The following MED13 variants were observed in gnomAD, a reference collection of about 807,000 sequenced individuals.
The protein encoded by MED13 is mediator of RNA polymerase II transcription subunit 13.
Under a neutral mutation model 225.2 loss-of-function variants are expected in MED13, and 23 were observed. The ratio of observed to expected loss-of-function variants is 0.10; its 90% CI spans 0.07 to 0.14. The LOEUF is 0.14. MED13 is among the 10% of genes least tolerant of loss of function. The pLI is 1.00. For synonymous variants in MED13, 942 were observed against 889.2 expected (o/e 1.06, Z -1.06); for missense variants, 2,197 against 2,594.5 (o/e 0.85, Z 3.33).
chr17:62,046,611 T>C (rs1159037011), intron 3 of MED13, among the ~76,000 whole-genome samples: 1 of 152,128 alleles, frequency 6.6e-6, no homozygotes, highest in Non-Finnish European at 1.5e-5. Context: ...AGGCCAAAGA[T>C]GGTGGGTAGC....
In MED13 at chr17:61,983,065, T is replaced by C. The variant is rs2080218784; in HGVS notation, c.2938A>G (p.Thr980Ala). ...GGAGGCATCCCAAAAGAAGTATGAG[T>C]TTGAGGTGTATAAGCAGTGCCATAT... ...QEYGTAYTPQ[T>A]HTSFGMPPSS... The change falls in exon 16 of 30, where the codon ACT (threonine) becomes GCT (alanine). Residue 980 changes from threonine (T) to alanine (A), a missense_variant. Physicochemically the swap from Thr to Ala is moderately conservative, Grantham distance 58. This residue lies in a region of MED13 where 160 missense variants were observed against 184.8 expected (regional missense o/e 0.87). Coordinates refer to ENST00000397786, the MANE Select transcript of MED13 (RefSeq NM_005121.3). 5 of 1,613,494 alleles carry C rather than the reference T, an allele frequency of 3.1e-6. No homozygotes were observed. The highest frequency in any genetic ancestry group is 4.2e-6 in the Non-Finnish European group (5 of 1,179,742).
intron 15 of MED13, among the ~76,000 whole-genome samples, chr17:61,983,848 C>A (rs957757891): frequency 6.6e-6 from 1 of 151,738 alleles, no homozygotes; most frequent in African/African-American, 2.4e-5. Context: ...TGTGCCTCAG[C>A]CTCCCAAGTA....
intron 8 of MED13, among the ~76,000 whole-genome samples, chr17:62,014,801 T>C (rs900522300): frequency 6.6e-6 from 1 of 152,168 alleles, no homozygotes; most frequent in Non-Finnish European, 1.5e-5. Context: ...TGAACCACTG[T>C]ACCCAGCTGA....
intron 9 of MED13, chr17:62,006,652 GTGGC>G (rs2080451619): frequency 6.6e-6 from 1 of 152,288 alleles, no homozygotes; most frequent in Non-Finnish European, 1.5e-5. Flanking sequence ...GCCAGGTGTG[GTGGC>G]TCATGCCTGT....
At chr17:62,055,145 AGCACTTCAGGAG>A (rs2080986406) in intron 2 of MED13, among the ~76,000 whole-genome samples, 1 of 152,178 alleles carries the variant, frequency 6.6e-6, no homozygotes, top group Admixed American at 6.5e-5. Flanking sequence ...CTGTAATCCC[AGCACTTCAGGAG>A]GCCAAGGCAA....
intron 15 of MED13, 49 bp downstream of exon 15, chr17:61,984,122 T>A: frequency 7.8e-7 from 1 of 1,278,350 alleles, no homozygotes; most frequent in Non-Finnish European, 1.0e-6. Context: ...GAAAAAAAAA[T>A]TAAAGCTGTA....
intron 25 of MED13, 34 bp from the exon 26 acceptor site, chr17:61,955,601 C>A: frequency 6.5e-7 from 1 of 1,537,010 alleles, no homozygotes; most frequent in East Asian, 2.3e-5. Flanking sequence ...TTTTAATAAA[C>A]GAAGAATAAA....
chr17:62,021,982 C>A lies in MED13; in HGVS notation c.1283+7559G>T, dbSNP rs981938404. Among the ~76,000 whole-genome samples the A allele has an allele frequency of 3.6e-4, 55 of 152,104 alleles. 1 individual carries two copies. Among genetic ancestry groups the A allele is most frequent in the African/African-American group, 1.3e-3 (52 of 41,512 alleles). ...AGGAGTTTGAGACCAGCCTGACCAACATGGTAAAACCCCATCTCTACTAAA... is the reference window on the plus strand; with the variant it reads ...AGGAGTTTGAGACCAGCCTGACCAAAATGGTAAAACCCCATCTCTACTAAA... On this transcript the variant is annotated intron_variant, in intron 8 of 29. Transcript: ENST00000397786.
chr17:62,016,117 G>C (rs1294803739), intron 8 of MED13, among the ~76,000 whole-genome samples: 2 of 140,906 alleles, frequency 1.4e-5, no homozygotes, highest in African/African-American at 5.5e-5. Flanking sequence ...CTTTGTAAAA[G>C]AGCATTTTTT....
At chr17:62,038,450 T>C (rs1217474561) in intron 3 of MED13, among the ~76,000 whole-genome samples, 1 of 152,110 alleles carries the variant, frequency 6.6e-6, no homozygotes, top group African/African-American at 2.4e-5. Context: ...AAAATTATTT[T>C]AAAAACATTT....
intron 3 of MED13, among the ~76,000 whole-genome samples, chr17:62,052,047 C>T (rs2080961534): frequency 6.6e-6 from 1 of 152,066 alleles, no homozygotes; most frequent in African/African-American, 2.4e-5. Context: ...TATAAGCTCT[C>T]AAAGAGTAAA....
rs377624680 is a variant in MED13 at position 61,965,321 on chromosome 17, G to A, written c.4529C>T (p.Ala1510Val). 21 of 1,614,230 alleles carry A rather than the reference G, an allele frequency of 1.3e-5. No individual in the cohort carries two copies. In the African/African-American group the frequency reaches 1.3e-4, roughly 10 times the overall value. ...TGAAGTCACTGTCATAGTGCTGCTC[G>A]CTGCAGATGCTAAGGTGGCAGATGG... ...NTPSATLASA[A>V]SSTMTVTSGV... Residue 1510 changes from alanine (A) to valine (V), a missense_variant, in exon 20 of 30, where the codon GCG (alanine) becomes GTG (valine). By Grantham distance (64) the Ala-to-Val change is moderately conservative. Coordinates refer to ENST00000397786, the MANE Select transcript of MED13 (RefSeq NM_005121.3).
Position 62,031,627 on chromosome 17 carries a change from T to TTCG in MED13, c.823_825dup (p.Arg275dup), listed in dbSNP as rs748621495. On this transcript the variant is annotated inframe_insertion, in exon 6 of 30. Transcript: ENST00000397786. Reference sequence around the variant, plus strand: ...AGAACAAAGCATGCTGGGTAGATCATTCGGACACCAGCTGAAAGGAAAAAA... The same window carrying TTCG: ...AGAACAAAGCATGCTGGGTAGATCATTCGTCGGACACCAGCTGAAAGGAAAAAA... 6.4e-7 allele frequency: 1 copy of TTCG among 1,566,110 alleles called. No individual in the cohort carries two copies. Among genetic ancestry groups the TTCG allele is most frequent in the African/African-American group, 1.4e-5 (1 of 73,266 alleles).
chr17:62,012,327 CTTT>C (rs60421231), intron 8 of MED13, among the ~76,000 whole-genome samples: 28 of 129,604 alleles, frequency 2.2e-4, no homozygotes, highest in African/African-American at 5.7e-4. Flanking sequence ...CACTAAGAAA[CTTT>C]TTTTTTTTTT....
At chr17:61,998,263 C>A (rs962947598) in intron 9 of MED13, among the ~76,000 whole-genome samples, 2 of 152,134 alleles carry the variant, frequency 1.3e-5, no homozygotes, top group African/African-American at 4.8e-5. Flanking sequence ...TAACTACAGA[C>A]ACAGTTTCAA....
intron 23 of MED13, among the ~76,000 whole-genome samples, chr17:61,958,067 T>C (rs1454472206): frequency 6.6e-6 from 1 of 151,384 alleles, no homozygotes; most frequent in Non-Finnish European, 1.5e-5. Flanking sequence ...GGTTTCACTG[T>C]GTTAGCCAGG....
intron 5 of MED13, 64 bp from the exon 6 acceptor site, chr17:62,031,702 C>T (rs1346023236): frequency 9.4e-7 from 1 of 1,065,930 alleles, no homozygotes. Context: ...TAGTTTCACT[C>T]AAAAGTACTA....
intron 2 of MED13, among the ~76,000 whole-genome samples, chr17:62,060,680 T>G (rs1315580604): frequency 6.6e-6 from 1 of 151,082 alleles, no homozygotes; most frequent in African/African-American, 2.4e-5. Context: ...CAAAATTATT[T>G]TCATTCACGT....
intron 2 of MED13, 71 bp from the exon 3 acceptor site, chr17:62,052,776 A>G: frequency 8.8e-7 from 1 of 1,139,954 alleles, no homozygotes. Flanking sequence ...AAAAAAGGTT[A>G]CAGTTTAAAC....
Sources: gnomAD v4.1 joint callset for allele counts (sites outside exome capture counted in the v4.1 genomes callset) on GRCh38, gnomAD v4.1.1 for gene constraint, gnomAD v4.1.1 regional missense constraint, MANE v1.5 for transcripts, NCBI Gene and HGNC (gene_info 2026-07-23, HGNC 2026-07-21) for gene names.